DST: variants seen among roughly 807,000 people sequenced by gnomAD.
DST encodes the protein dystonin.
A neutral mutation model predicts 875.2 loss-of-function variants in DST; 253 were observed. The ratio of observed to expected loss-of-function variants is 0.29; its 90% CI spans 0.26 to 0.32. The LOEUF (loss-of-function observed/expected upper bound fraction) is 0.32, where lower values mean the gene tolerates loss of function less well. DST is among the 10% of genes least tolerant of loss of function. The pLI, the probability that DST is intolerant of heterozygous loss-of-function variation, is 1.00. For missense variants in DST, 8,287 were observed against 9,111.6 expected, an observed-to-expected ratio of 0.91 and a Z score of 3.68; for synonymous variants, 3,124 against 3,197.1, an observed-to-expected ratio of 0.98 and a Z score of 0.77.
At chr6:56,742,486 T>C (rs976950397) in intron 4 of DST, 1 of 503,672 alleles carries the variant, frequency 2.0e-6, no homozygotes, top group Non-Finnish European at 3.4e-6. Context: ...CACCTCCTTT[T>C]AAACAAATAT....
intron 3 of DST, among the ~76,000 whole-genome samples, chr6:56,870,431 C>CAA (rs34119606): frequency 0.045 from 2,156 of 47,736 alleles, 142 homozygotes; most frequent in African/African-American, 0.12. Flanking sequence ...CTTGCAACTG[C>CAA]AAAAAAAAAA....
chr6:56,519,082 C>T (rs537796155), intron 69 of DST, among the ~76,000 whole-genome samples: 1 of 152,100 alleles, frequency 6.6e-6, no homozygotes, highest in East Asian at 1.9e-4. Context: ...ACAGAACTAC[C>T]ATGGACCTTG....
chr6:56,931,230 C>T (rs1402765126), intron 2 of DST, among the ~76,000 whole-genome samples: 1 of 152,102 alleles, frequency 6.6e-6, no homozygotes, highest in African/African-American at 2.4e-5. Flanking sequence ...GCTGTGGCTT[C>T]AGAGGGTTCA....
rs187226940 is a variant in DST, at chr6:56,691,959, T to G, written c.1047+7694A>C. ...AACTCATGAATCAGCAAGTCGGTAT[T>G]GACTGATAATTTTACAGTATCCTAT... On this transcript the variant is annotated intron_variant, in intron 9 of 103. Transcript: ENST00000680361. 4.6e-5 allele frequency among the ~76,000 whole-genome samples: 7 copies of G among 152,336 alleles called. No homozygotes were observed. The East Asian group carries it at 1.3e-3, about 29-fold the overall frequency.
intron 5 of DST, among the ~76,000 whole-genome samples, chr6:56,723,200 T>C (rs999238883): frequency 6.6e-6 from 1 of 152,174 alleles, no homozygotes; most frequent in Non-Finnish European, 1.5e-5. Context: ...ATTAAAGAAA[T>C]AGCTCAGTTA....
chr6:56,748,501 G>A (rs879090461), intron 4 of DST, among the ~76,000 whole-genome samples: 2 of 152,088 alleles, frequency 1.3e-5, no homozygotes, highest in Non-Finnish European at 2.9e-5. Flanking sequence ...CACTAAATAC[G>A]ATAATAGAGT....
At chr6:56,837,284 G>GT (rs2099794899) in intron 4 of DST, among the ~76,000 whole-genome samples, 2 of 152,030 alleles carry the variant, frequency 1.3e-5, no homozygotes, top group African/African-American at 4.8e-5. Context: ...ACTTAAAAAG[G>GT]AAACATTTCA....
At chr6:56,611,619 T>G (rs754801937) in intron 37 of DST, 23 bp from the exon 38 acceptor site, 21 of 1,489,232 alleles carry the variant, frequency 1.4e-5, no homozygotes, top group Non-Finnish European at 2.0e-5. Context: ...GAAGGCACAT[T>G]CAAACTCTTC....
chr6:56,902,777 G>C (rs767751016), intron 2 of DST, among the ~76,000 whole-genome samples: 7 of 152,178 alleles, frequency 4.6e-5, no homozygotes, highest in African/African-American at 7.2e-5. Context: ...TGGAGAAGAG[G>C]ATTAAGGAGA....
chr6:56,617,123 A>G (rs369978920), intron 36 of DST: 8 of 1,611,658 alleles, frequency 5.0e-6, no homozygotes, highest in Non-Finnish European at 6.8e-6. Context: ...ACCGAGTCGC[A>G]GCTGCTCAAT....
chr6:56,689,474 C>T (rs13192037), intron 9 of DST, among the ~76,000 whole-genome samples: 30 of 152,092 alleles, frequency 2.0e-4, no homozygotes, highest in African/African-American at 4.3e-4. Flanking sequence ...TAAAAACACA[C>T]GAGCAGGTGC....
At position 56,536,860 on chromosome 6, in the gene DST, A is replaced by G. The variant is rs1160142318; in HGVS notation, c.16689T>C (p.Ser5563=). ...VNWLGQGLIQ[S]AAKSTSTQGL... ...CCTGAGTGCTAGTGCTTTTGGCAGC[A>G]CTCTGAATAAGGCCTTGACCTAACC... Residue 5563 remains serine (S), a synonymous_variant, in exon 62 of 104, where the codon AGT becomes AGC. Transcript: ENST00000680361. 1.2e-6 allele frequency: 2 copies of G among 1,613,544 alleles called. No individual in the cohort carries two copies. The highest frequency in any genetic ancestry group is 2.2e-5 in the South Asian group (2 of 90,978).
At chr6:56,670,497 C>G (rs1270158010) in intron 10 of DST, 144 bp downstream of exon 10, 1 of 699,522 alleles carries the variant, frequency 1.4e-6, no homozygotes, top group African/African-American at 1.9e-5. Flanking sequence ...CTGCACCTGG[C>G]CAATTTTTTA....
chr6:56,565,107 CTT>C (rs2097645367), intron 55 of DST, among the ~76,000 whole-genome samples: 1 of 145,894 alleles, frequency 6.9e-6, no homozygotes, highest in South Asian at 2.2e-4. Context: ...CCCTCTTTCT[CTT>C]TTCTTTTTTT....
intron 2 of DST, among the ~76,000 whole-genome samples, chr6:56,924,943 T>C (rs1420247302): frequency 6.6e-6 from 1 of 152,192 alleles, no homozygotes; most frequent in East Asian, 1.9e-4. Flanking sequence ...GCCACTTTCC[T>C]GTGCTATGGA....
chr6:56,614,313 C>T, intron 37 of DST, 43 bp downstream of exon 37: 1 of 1,528,876 alleles, frequency 6.5e-7, no homozygotes, highest in East Asian at 2.4e-5. Flanking sequence ...AGTTAACGTC[C>T]CTGCTATTAT....
intron 72 of DST, among the ~76,000 whole-genome samples, chr6:56,514,285 C>A (rs575015152): frequency 6.6e-6 from 1 of 152,146 alleles, no homozygotes; most frequent in Non-Finnish European, 1.5e-5. Flanking sequence ...ACAAATAAAT[C>A]TTTATACAAA....
Position 56,463,138 on chromosome 6 carries a change from G to A in DST, c.22978C>T (p.Arg7660Cys), listed in dbSNP as rs768405206. The A allele has an allele frequency of 3.3e-5, 53 of 1,610,756 alleles. No individual in the cohort carries two copies. The highest frequency in any genetic ancestry group is 2.0e-4 in the South Asian group (18 of 90,998). ...GTCAACCATGGTTTACCATAATTGC[G>A]TGTTAAAGGATGGAGAATCTGTATG... The part of the protein sequence containing the change: ...TTPKILHPLT[R>C]NYGKPWLTNS... Residue 7660 changes from arginine to cysteine, a missense_variant, in exon 102 of 104, where the codon CGC becomes TGC. Arg to Cys is a radical substitution (Grantham distance 180, BLOSUM62 -3). Transcript: ENST00000680361.
chr6:56,487,252 C>A lies in DST; in HGVS notation c.20899G>T (p.Ala6967Ser). The A allele has an allele frequency of 6.4e-7, 1 of 1,565,714 alleles. No homozygotes were observed. The highest frequency in any genetic ancestry group is 8.6e-7 in the Non-Finnish European group (1 of 1,157,584). ...QHKEFQKSLG[A>S]KHSVYDTTNR... Reference sequence around the variant, plus strand: ...GTGGTGTCGTAGACAGAATGCTTGGCTCCGAGTGATTTCTGAAACTCCTAA... The same window carrying A: ...GTGGTGTCGTAGACAGAATGCTTGGATCCGAGTGATTTCTGAAACTCCTAA... The change falls in exon 87 of 104, where the codon GCC (alanine) becomes TCC (serine). Residue 6967 changes from alanine to serine, a missense_variant. Ala to Ser is a moderately conservative substitution (Grantham distance 99). Transcript: ENST00000680361.
Sources: gnomAD v4.1 joint callset for allele counts (sites outside exome capture counted in the v4.1 genomes callset) on GRCh38, gnomAD v4.1.1 for gene constraint, MANE v1.5 for transcripts, NCBI Gene and HGNC (gene_info 2026-07-23, HGNC 2026-07-21) for gene names.